The following EXOC4 variants were observed in gnomAD, a reference collection of about 807,000 sequenced individuals.
EXOC4 encodes the protein SEC8-like 1.
In EXOC4, 71 loss-of-function variants were observed where a neutral mutation model predicts 107.2. The observed-to-expected ratio is 0.66, with a 90% confidence interval of 0.55 to 0.81. EXOC4 has a LOEUF of 0.81. EXOC4 is among the 30% of genes least tolerant of loss of function. The probability of loss-of-function intolerance (pLI) is 0.00; values close to 1 mark genes in which losing one functional copy is unlikely to be tolerated. For synonymous variants in EXOC4, 456 were observed against 441.2 expected, an observed-to-expected ratio of 1.03 and a Z score of -0.42; for missense variants, 1,108 against 1,189.6, an observed-to-expected ratio of 0.93 and a Z score of 1.01.
chr7:133,789,414 A>G lies in EXOC4; in HGVS notation c.1515-27911A>G, dbSNP rs370625322. ...CTCCTCCCCCAGGACCAAAGGGCAT[A>G]TATTTTGCTTTCGATGACTTGTGCA... On this transcript the variant is annotated intron_variant, in intron 10 of 17. Coordinates refer to ENST00000253861, the MANE Select transcript of EXOC4 (RefSeq NM_021807.4). Among the ~76,000 whole-genome samples, 3 of 152,158 alleles carry G rather than the reference A, an allele frequency of 2.0e-5. No homozygotes were observed. The East Asian group carries it at 5.8e-4, about 29-fold the overall frequency.
chr7:133,831,773 C>G (rs1797815890), intron 11 of EXOC4, among the ~76,000 whole-genome samples: 1 of 152,114 alleles, frequency 6.6e-6, no homozygotes, highest in Non-Finnish European at 1.5e-5. Flanking sequence ...TCAGTTGACA[C>G]TGAAAGGAAA....
intron 9 of EXOC4, among the ~76,000 whole-genome samples, chr7:133,578,677 A>T (rs995629050): frequency 2.6e-5 from 4 of 152,186 alleles, no homozygotes; most frequent in Non-Finnish European, 4.4e-5. Context: ...TTAGTTTTAT[A>T]AAACAGTTGG....
At chr7:133,742,869 T>C (rs1405723912) in intron 10 of EXOC4, among the ~76,000 whole-genome samples, 1 of 151,072 alleles carries the variant, frequency 6.6e-6, no homozygotes, top group Non-Finnish European at 1.5e-5. Context: ...GGGAAACATA[T>C]TATTTTAACA....
At chr7:134,050,893 G>GGAGT (rs993266750) in intron 17 of EXOC4, among the ~76,000 whole-genome samples, 1 of 152,104 alleles carries the variant, frequency 6.6e-6, no homozygotes, top group Non-Finnish European at 1.5e-5. Flanking sequence ...TAGTCTAGGA[G>GGAGT]GAGTGAGTGA....
chr7:133,394,435 C>T (rs190478041), intron 7 of EXOC4, among the ~76,000 whole-genome samples: 1 of 152,120 alleles, frequency 6.6e-6, no homozygotes, highest in African/African-American at 2.4e-5. Context: ...TTAAGTCTGT[C>T]CTTAGAATCA....
At chr7:133,380,349 T>G (rs1284122104) in intron 7 of EXOC4, among the ~76,000 whole-genome samples, 1 of 152,088 alleles carries the variant, frequency 6.6e-6, no homozygotes, top group African/African-American at 2.4e-5. Context: ...TAAACAGCTT[T>G]ATTGAAATAT....
intron 17 of EXOC4, among the ~76,000 whole-genome samples, chr7:134,054,967 G>A (rs1302865050): frequency 2.0e-5 from 3 of 152,074 alleles, no homozygotes; most frequent in African/African-American, 7.2e-5. Flanking sequence ...TGAATTTCAG[G>A]TGGCCCATTT....
chr7:133,434,711 A>G (rs562451264), intron 7 of EXOC4, among the ~76,000 whole-genome samples: 23 of 152,272 alleles, frequency 1.5e-4, no homozygotes, highest in African/African-American at 5.1e-4. Flanking sequence ...TTGTTTAACC[A>G]ATTTTTTAAA....
At position 133,922,897 on chromosome 7, in the gene EXOC4, A is replaced by G. The variant is rs373348138; in HGVS notation, c.2027+5159A>G. Among the ~76,000 whole-genome samples the G allele has an allele frequency of 2.0e-5, 3 of 151,594 alleles. No individual in the cohort carries two copies. The East Asian group carries it at 5.8e-4, about 29-fold the overall frequency. On this transcript the variant is annotated intron_variant, in intron 13 of 17. Coordinates refer to ENST00000253861, the MANE Select transcript of EXOC4 (RefSeq NM_021807.4). The stretch of plus-strand genomic sequence containing the variant: ...TGTGTGTTTCTATGTGTGTGTGTGT[A>G]TGTGTGTACATGTAATTGTGTATTC...
chr7:133,454,563 C>T (rs1798421147), intron 7 of EXOC4, among the ~76,000 whole-genome samples: 1 of 152,242 alleles, frequency 6.6e-6, no homozygotes, highest in South Asian at 2.1e-4. Context: ...TCCCAAAGTG[C>T]TGGGATTATA....
Position 133,855,237 on chromosome 7 carries a change from A to G in EXOC4, c.1734+37693A>G, listed in dbSNP as rs561843573. Among the ~76,000 whole-genome samples the G allele has an allele frequency of 1.8e-3, 268 of 148,940 alleles. 1 individual carries two copies. The highest frequency in any genetic ancestry group is 3.1e-3 in the Non-Finnish European group (210 of 67,692). Reference sequence around the variant, plus strand: ...GCTTACCCCAGACAATCAGTAGAGCACCTCTGCTGCTTTATACTCTCTCAG... The same window carrying G: ...GCTTACCCCAGACAATCAGTAGAGCGCCTCTGCTGCTTTATACTCTCTCAG... On this transcript the variant is annotated intron_variant, in intron 11 of 17. Coordinates refer to ENST00000253861, the MANE Select transcript of EXOC4 (RefSeq NM_021807.4).
intron 14 of EXOC4, among the ~76,000 whole-genome samples, chr7:133,982,351 G>C (rs1055012115): frequency 6.6e-6 from 1 of 152,174 alleles, no homozygotes; most frequent in Non-Finnish European, 1.5e-5. Flanking sequence ...AGGAGATCGA[G>C]ACCATCCTGG....
In EXOC4 at chr7:133,994,299, C is replaced by A. The variant is rs10254197; in HGVS notation, c.2207-3193C>A. Among the ~76,000 whole-genome samples, 241 of 152,180 alleles carry A rather than the reference C, an allele frequency of 1.6e-3. 1 individual carries two copies. Among genetic ancestry groups the A allele is most frequent in the African/African-American group, 5.4e-3 (225 of 41,510 alleles). ...TCCCTGCAAAGGACATGAACTCATT[C>A]TTTTTTATGGCTGCATAGTATTCCG... On this transcript the variant is annotated intron_variant, in intron 14 of 17. Coordinates refer to ENST00000253861, the MANE Select transcript of EXOC4 (RefSeq NM_021807.4).
At chr7:133,520,178 C>A (rs1799954207) in intron 9 of EXOC4, among the ~76,000 whole-genome samples, 1 of 152,084 alleles carries the variant, frequency 6.6e-6, no homozygotes. Flanking sequence ...ATAATGTTGC[C>A]ACAAATATGA....
chr7:133,267,682 G>C (rs1384992866), intron 1 of EXOC4, among the ~76,000 whole-genome samples: 1 of 152,202 alleles, frequency 6.6e-6, no homozygotes, highest in East Asian at 1.9e-4. Context: ...ACTGTGCCTG[G>C]TAAGTAATAG....
At chr7:133,271,422 G>T (rs1327054432) in intron 1 of EXOC4, among the ~76,000 whole-genome samples, 1 of 152,128 alleles carries the variant, frequency 6.6e-6, no homozygotes, top group Non-Finnish European at 1.5e-5. Flanking sequence ...TTTTATTATT[G>T]TTGGGAGACC....
rs60353371 is a variant in EXOC4 at position 134,005,282 on chromosome 7, C to T, written c.2527+192C>T. 4.8e-3 allele frequency among the ~76,000 whole-genome samples: 730 copies of T among 152,254 alleles called. 6 individuals are homozygous for T. Among genetic ancestry groups the T allele is most frequent in the African/African-American group, 0.016 (649 of 41,542 alleles). Reference sequence around the variant, plus strand: ...ACAACAATATGGCCGCCATCTGCTCCGGGTTGATAAGGAGATTTAATCCAA... The same window carrying T: ...ACAACAATATGGCCGCCATCTGCTCTGGGTTGATAAGGAGATTTAATCCAA... On this transcript the variant is annotated intron_variant, in intron 16 of 17. Coordinates refer to ENST00000253861, the MANE Select transcript of EXOC4 (RefSeq NM_021807.4).
At chr7:133,253,229 G>A in intron 1 of EXOC4, 42 bp downstream of exon 1, 1 of 1,598,226 alleles carries the variant, frequency 6.3e-7, no homozygotes, top group Non-Finnish European at 8.6e-7. Context: ...TGGGGGCAGC[G>A]GCTCGACCTC....
At chr7:133,351,498 CTGTT>C (rs1366882817) in intron 5 of EXOC4, among the ~76,000 whole-genome samples, 2 of 151,890 alleles carry the variant, frequency 1.3e-5, no homozygotes, top group African/African-American at 4.8e-5. Flanking sequence ...TCACAGTACT[CTGTT>C]TAATTTATTT....
Sources: allele counts gnomAD v4.1 joint callset (sites outside exome capture counted in the v4.1 genomes callset), GRCh38; gene constraint gnomAD v4.1.1; transcripts MANE v1.5; gene names NCBI Gene and HGNC (gene_info 2026-07-23, HGNC 2026-07-21).